The following SYNCRIP variants were observed in gnomAD, a reference collection of about 807,000 sequenced individuals.
The protein encoded by SYNCRIP is synaptotagmin binding cytoplasmic RNA interacting protein.
A neutral mutation model predicts 68.9 loss-of-function variants in SYNCRIP; 9 were observed. The observed-to-expected ratio is 0.13, with a 90% CI of 0.08 to 0.23. The LOEUF (loss-of-function observed/expected upper bound fraction) is 0.23. Ranked by LOEUF, SYNCRIP falls within the 10% of genes least tolerant of loss-of-function variation. The pLI is 1.00. For synonymous variants in SYNCRIP, 258 were observed against 254.0 expected, an observed-to-expected ratio of 1.02 and a Z score of -0.15; for missense variants, 414 against 770.6, an observed-to-expected ratio of 0.54 and a Z score of 5.48.
chr6:85,637,204 G>A (rs1808563541), intron 5 of SYNCRIP, 39 bp downstream of exon 5: 3 of 1,606,890 alleles, frequency 1.9e-6, no homozygotes, highest in Admixed American at 1.7e-5. Flanking sequence ...AGATACCTGT[G>A]CTTTTACTAC....
chr6:85,642,270 G>A (rs1017985381), intron 1 of SYNCRIP, among the ~76,000 whole-genome samples: 2 of 152,118 alleles, frequency 1.3e-5, no homozygotes, highest in African/African-American at 4.8e-5. Flanking sequence ...CGCTCCCCGG[G>A]CGCCGACGAC....
chr6:85,643,749 C>T (rs917653870), upstream of SYNCRIP: 1 of 152,120 alleles, frequency 6.6e-6, no homozygotes, highest in Non-Finnish European at 1.5e-5. Context: ...AGGGCACCCA[C>T]CGGTCTGTGC....
At chr6:85,632,425 G>GTAGA (rs1284235362) in intron 6 of SYNCRIP, among the ~76,000 whole-genome samples, 1 of 152,194 alleles carries the variant, frequency 6.6e-6, no homozygotes, top group Non-Finnish European at 1.5e-5. Context: ...ATGTAACACA[G>GTAGA]TAGAGATAGC....
chr6:85,615,046 C>A lies in SYNCRIP; in HGVS notation c.1582G>T (p.Gly528Cys), dbSNP rs1310795732. 6.2e-7 allele frequency: 1 copy of A among 1,613,986 alleles called. No individual in the cohort carries two copies. The highest frequency in any genetic ancestry group is 8.5e-7 in the Non-Finnish European group (1 of 1,180,024). The part of the protein sequence containing the change: ...RGRAGYSQRG[G>C]PGSARGVRGA... ...CGAACGCCTCTTGCTGATCCAGGAC[C>A]TCCTCTCTGTGAATAACCGGCTCTA... Residue 528 changes from glycine (G) to cysteine (C), a missense_variant, in exon 11 of 11, where the codon GGT becomes TGT. Coordinates refer to ENST00000369622, the MANE Select transcript of SYNCRIP (RefSeq NM_006372.5).
In SYNCRIP at chr6:85,615,007, C is replaced by G; in HGVS notation, c.1621G>C (p.Gly541Arg). 4 of 1,613,782 alleles carry G rather than the reference C, an allele frequency of 2.5e-6. No homozygotes were observed. The highest frequency in any genetic ancestry group is 2.2e-5 in the East Asian group (1 of 44,864). ...SARGVRGARG[G>R]AQQQRGRGVR... ...CCGCGGCCTCTTTGTTGTTGGGCAC[C>G]TCCTCTCGCACCTCGAACGCCTCTT... Residue 541 changes from glycine to arginine, a missense_variant, in exon 11 of 11, where the codon GGT becomes CGT. Around this residue, in one of 6 missense-constraint regions of SYNCRIP, gnomAD observed 130 missense variants for 149.0 expected, o/e 0.87. Transcript: ENST00000369622.
chr6:85,607,995 A>G (rs552258827), downstream of SYNCRIP: 4 of 152,258 alleles, frequency 2.6e-5, no homozygotes, highest in South Asian at 4.1e-4. Flanking sequence ...TCCTAGGGGT[A>G]TAAGCTAAAA....
At chr6:85,620,379 A>G (rs1333614267) in intron 8 of SYNCRIP, among the ~76,000 whole-genome samples, 2 of 152,242 alleles carry the variant, frequency 1.3e-5, no homozygotes, top group African/African-American at 2.4e-5. Context: ...AAAATGACAT[A>G]GAAGAACTTT....
intron 10 of SYNCRIP, among the ~76,000 whole-genome samples, chr6:85,616,924 T>C (rs181569306): frequency 2.2e-4 from 34 of 152,250 alleles, no homozygotes; most frequent in Admixed American, 1.9e-3. Context: ...CTAAAAGTCC[T>C]ACAACGCACA....
rs1447805845 is a variant in SYNCRIP at position 85,615,056 on chromosome 6, T to C, written c.1572A>G (p.Ser524=). ...AAPPRGRAGY[S]QRGGPGSARG... ...TTGCTGATCCAGGACCTCCTCTCTG[T>C]GAATAACCGGCTCTACCGCGGGGAG... The change falls in exon 11 of 11, where the codon TCA becomes TCG. Residue 524 remains serine, a synonymous_variant. Coordinates refer to ENST00000369622, the MANE Select transcript of SYNCRIP (RefSeq NM_006372.5). 1.9e-6 allele frequency: 3 copies of C among 1,614,126 alleles called. No individual in the cohort carries two copies. The highest frequency in any genetic ancestry group is 2.5e-6 in the Non-Finnish European group (3 of 1,180,024).
rs564273152 is a variant in SYNCRIP at position 85,638,778 on chromosome 6, G to A, written c.376-1422C>T. On this transcript the variant is annotated intron_variant, in intron 4 of 10. Coordinates refer to ENST00000369622, the MANE Select transcript of SYNCRIP (RefSeq NM_006372.5). ...ACATGTAATCCCTATGCTATAAACG[G>A]ATTTTTTAACCTTAATAGTTAAGAC... Among the ~76,000 whole-genome samples the A allele has an allele frequency of 1.1e-4, 16 of 152,212 alleles. 1 individual carries two copies. In the South Asian group the frequency reaches 3.3e-3, roughly 32 times the overall value.
intron 2 of SYNCRIP, among the ~76,000 whole-genome samples, chr6:85,641,022 C>T (rs1809078120): frequency 6.6e-6 from 1 of 152,206 alleles, no homozygotes; most frequent in Admixed American, 6.5e-5. Context: ...AGTCACATGG[C>T]CTGTTCCCAA....
chr6:85,617,536 C>A (rs1408706005), intron 10 of SYNCRIP, among the ~76,000 whole-genome samples: 2 of 152,208 alleles, frequency 1.3e-5, no homozygotes, highest in Admixed American at 1.3e-4. Flanking sequence ...ACACTATCAT[C>A]AAACCTACAA....
chr6:85,635,774 C>CAA (rs58599854), intron 6 of SYNCRIP, among the ~76,000 whole-genome samples: 7,134 of 77,664 alleles, frequency 0.092, 192 homozygotes, highest in South Asian at 0.13. Flanking sequence ...TTCTATCTCC[C>CAA]AAAAAAAAAA....
At chr6:85,641,891 C>CGT (rs1405705193) in intron 1 of SYNCRIP, among the ~76,000 whole-genome samples, 1 of 152,164 alleles carries the variant, frequency 6.6e-6, no homozygotes, top group Non-Finnish European at 1.5e-5. Flanking sequence ...AAGAACAAAG[C>CGT]GCTCATACAA....
At chr6:85,629,516 C>CAAAAAAAACAAAAAAAAAAA (rs1807459312) in intron 6 of SYNCRIP, among the ~76,000 whole-genome samples, 1 of 64,924 alleles carries the variant, frequency 1.5e-5, no homozygotes, top group Non-Finnish European at 2.6e-5. Flanking sequence ...ACTAAAAATA[C>CAAAAAAAACAAAAAAAAAAA]AAAAAAAAAA....
chr6:85,612,960 A>T (rs1308972761), downstream of SYNCRIP: 1 of 1,547,964 alleles, frequency 6.5e-7, no homozygotes. Flanking sequence ...TAGATAAATC[A>T]TCTTAAATTA....
intron 8 of SYNCRIP, among the ~76,000 whole-genome samples, chr6:85,621,782 C>T (rs1313930494): frequency 5.9e-5 from 9 of 152,112 alleles, no homozygotes; most frequent in Non-Finnish European, 1.2e-4. Context: ...ACCTCTGCTG[C>T]GGCCAGTATA....
chr6:85,628,745 A>G (rs1223670045), intron 6 of SYNCRIP, among the ~76,000 whole-genome samples: 1 of 152,198 alleles, frequency 6.6e-6, no homozygotes, highest in Non-Finnish European at 1.5e-5. Flanking sequence ...TAGTGTAAAT[A>G]CTTAACTTTA....
chr6:85,612,865 A>C (rs1311529707), downstream of SYNCRIP: 1 of 1,550,174 alleles, frequency 6.5e-7, no homozygotes, highest in Non-Finnish European at 8.7e-7. Context: ...GTGTAATCCC[A>C]CATAGCAAGT....
Sources: allele counts gnomAD v4.1 joint callset (sites outside exome capture counted in the v4.1 genomes callset), GRCh38; gene constraint gnomAD v4.1.1; regional missense constraint gnomAD v4.1.1; transcripts MANE v1.5; gene names NCBI Gene and HGNC (gene_info 2026-07-23, HGNC 2026-07-21).